Variants in PTPRD observed in about 807,000 individuals in gnomAD.
PTPRD encodes receptor-type tyrosine-protein phosphatase delta.
Under a neutral mutation model 214.5 loss-of-function variants are expected in PTPRD, and 34 were observed. The ratio of observed to expected loss-of-function variants is 0.16; its 90% CI spans 0.12 to 0.21. The LOEUF is 0.21. Ranked by LOEUF, PTPRD falls within the 10% of genes least tolerant of loss-of-function variation. The pLI is 1.00. For synonymous variants in PTPRD, 1,128 were observed against 845.7 expected, an observed-to-expected ratio of 1.33 and a Z score of -5.79; for missense variants, 2,545 against 2,398.7, an observed-to-expected ratio of 1.06 and a Z score of -1.27.
At chr9:9,753,586 C>T (rs961117836) in intron 6 of PTPRD, among the ~76,000 whole-genome samples, 6 of 151,988 alleles carry the variant, frequency 3.9e-5, no homozygotes. Context: ...TATAAATCAA[C>T]AGTCTGCCAG....
chr9:10,561,110 C>T (rs1167750518), intron 2 of PTPRD, among the ~76,000 whole-genome samples: 2 of 152,074 alleles, frequency 1.3e-5, no homozygotes, highest in Non-Finnish European at 2.9e-5. Context: ...TGACAACCAA[C>T]AGTAGCATTG....
intron 8 of PTPRD, among the ~76,000 whole-genome samples, chr9:9,461,497 A>C (rs2093652637): frequency 6.6e-6 from 1 of 152,120 alleles, no homozygotes; most frequent in Admixed American, 6.6e-5. Flanking sequence ...GAGAACATGG[A>C]AAAACAAACA....
At chr9:8,329,244 C>T (rs10976957) in intron 44 of PTPRD, among the ~76,000 whole-genome samples, 26,134 of 152,062 alleles carry the variant, frequency 0.17, 2,519 homozygotes, top group Middle Eastern at 0.27. Flanking sequence ...TTCTGTCTGT[C>T]TGTTTGTTAT....
Position 8,536,439 on chromosome 9 carries a change from G to A in PTPRD, c.353-7660C>T, listed in dbSNP as rs73428229. 2.8e-3 allele frequency among the ~76,000 whole-genome samples: 422 copies of A among 151,328 alleles called. 1 individual carries two copies. The highest frequency in any genetic ancestry group is 0.016 in the East Asian group (80 of 5,136). ...CACACATATACACACACATATATAC[G>A]TATATAAATGTATATATGTGTGTGT... On this transcript the variant is annotated intron_variant, in intron 14 of 45. Transcript: ENST00000381196.
At chr9:8,461,249 A>C (rs2096392096) in intron 32 of PTPRD, among the ~76,000 whole-genome samples, 1 of 152,102 alleles carries the variant, frequency 6.6e-6, no homozygotes, top group Admixed American at 6.6e-5. Context: ...TATAAAATAT[A>C]GAATTTTTAG....
At chr9:9,011,634 C>T (rs1385149441) in intron 11 of PTPRD, among the ~76,000 whole-genome samples, 2 of 152,160 alleles carry the variant, frequency 1.3e-5, no homozygotes, top group Non-Finnish European at 2.9e-5. Flanking sequence ...AGGAAATGCC[C>T]ATTGTACTTC....
intron 12 of PTPRD, among the ~76,000 whole-genome samples, chr9:8,703,131 T>C (rs958146378): frequency 1.3e-5 from 2 of 152,228 alleles, no homozygotes; most frequent in African/African-American, 2.4e-5. Flanking sequence ...TTGGGGATTA[T>C]ACCAATAGTG....
intron 14 of PTPRD, among the ~76,000 whole-genome samples, chr9:8,567,043 A>G (rs1255129655): frequency 1.3e-5 from 2 of 152,182 alleles, no homozygotes; most frequent in Non-Finnish European, 2.9e-5. Flanking sequence ...TACCTTCTCC[A>G]ACGAATCTCT....
At position 8,834,053 on chromosome 9, in the gene PTPRD, T is replaced by C. The variant is rs75015405; in HGVS notation, c.-103-100107A>G. On this transcript the variant is annotated intron_variant, in intron 11 of 45. Transcript: ENST00000381196. The stretch of plus-strand genomic sequence containing the variant: ...ACCGTTCAGAAAGCACAATAATGCC[T>C]AGTCTTTTTCACTCTCATTTCCAGA... Among the ~76,000 whole-genome samples, 271 of 152,212 alleles carry C rather than the reference T, an allele frequency of 1.8e-3. 2 individuals are homozygous for C. The highest frequency in any genetic ancestry group is 6.4e-3 in the African/African-American group (266 of 41,576).
At chr9:8,808,018 C>T (rs1195967687) in intron 11 of PTPRD, among the ~76,000 whole-genome samples, 1 of 152,128 alleles carries the variant, frequency 6.6e-6, no homozygotes, top group Non-Finnish European at 1.5e-5. Context: ...GTATGCTCTA[C>T]AAAATGAAAA....
intron 14 of PTPRD, among the ~76,000 whole-genome samples, chr9:8,596,209 A>C (rs2094467488): frequency 6.6e-6 from 1 of 152,150 alleles, no homozygotes; most frequent in Non-Finnish European, 1.5e-5. Flanking sequence ...ATCATGAATT[A>C]TCTTAATATG....
intron 8 of PTPRD, among the ~76,000 whole-genome samples, chr9:9,428,427 G>C (rs935112867): frequency 6.6e-6 from 1 of 152,122 alleles, no homozygotes; most frequent in African/African-American, 2.4e-5. Flanking sequence ...CCTACAAAGA[G>C]ACTTAGACTC....
chr9:8,910,279 C>T (rs948781336), intron 11 of PTPRD, among the ~76,000 whole-genome samples: 6 of 151,982 alleles, frequency 3.9e-5, no homozygotes, highest in Admixed American at 2.0e-4. Flanking sequence ...CCTCGTGATC[C>T]GCCCACCTCA....
At chr9:8,475,340 T>C (rs2096741889) in intron 30 of PTPRD, among the ~76,000 whole-genome samples, 1 of 152,200 alleles carries the variant, frequency 6.6e-6, no homozygotes. Context: ...TATTCTTCTG[T>C]TATTTCTATG....
At chr9:8,326,764 C>G (rs1037117388) in intron 44 of PTPRD, among the ~76,000 whole-genome samples, 2 of 151,390 alleles carry the variant, frequency 1.3e-5, no homozygotes, top group Non-Finnish European at 2.9e-5. Context: ...AGAGATTCAA[C>G]TTCTTCCTGG....
intron 11 of PTPRD, among the ~76,000 whole-genome samples, chr9:8,909,714 C>A (rs2098733430): frequency 6.6e-6 from 1 of 151,782 alleles, no homozygotes; most frequent in Non-Finnish European, 1.5e-5. Context: ...CAAGATTATT[C>A]TGGAACCATG....
At chr9:10,133,506 T>C (rs2098917947) in intron 3 of PTPRD, among the ~76,000 whole-genome samples, 1 of 152,066 alleles carries the variant, frequency 6.6e-6, no homozygotes, top group Non-Finnish European at 1.5e-5. Context: ...TATATATAAG[T>C]ACATAAATGT....
intron 15 of PTPRD, among the ~76,000 whole-genome samples, chr9:8,527,882 C>T (rs1234266504): frequency 1.3e-5 from 2 of 152,088 alleles, no homozygotes; most frequent in Admixed American, 6.6e-5. Flanking sequence ...GTTCAAAAAC[C>T]TTGACGGGCG....
chr9:10,236,051 C>T (rs2099627852), intron 3 of PTPRD, among the ~76,000 whole-genome samples: 1 of 151,768 alleles, frequency 6.6e-6, no homozygotes, highest in African/African-American at 2.4e-5. Context: ...ATTTTCTGAC[C>T]CTTGAAAATG....
Sources: allele counts gnomAD v4.1 joint callset (sites outside exome capture counted in the v4.1 genomes callset), GRCh38; gene constraint gnomAD v4.1.1; transcripts MANE v1.5; gene names NCBI Gene and HGNC (gene_info 2026-07-23, HGNC 2026-07-21).